Variants in DLG2 observed in about 807,000 individuals in gnomAD.
DLG2 encodes discs large MAGUK scaffold protein 2.
DLG2 carries 45 observed loss-of-function variants against 132.5 expected under a neutral mutation model. The ratio of observed to expected loss-of-function variants is 0.34; its 90% confidence interval spans 0.27 to 0.44. The LOEUF is 0.44. DLG2 is among the 20% of genes least tolerant of loss of function. The probability of loss-of-function intolerance (pLI) is 1.00; values close to 1 mark genes in which losing one functional copy is unlikely to be tolerated. For missense variants in DLG2, 1,045 were observed against 1,196.9 expected (o/e 0.87, Z 1.87); for synonymous variants, 424 against 419.6 (o/e 1.01, Z -0.13).
rs143698581 is a variant in DLG2 at position 83,459,705 on chromosome 11, T to C, written c.*113A>G. On this transcript the variant is annotated 3_prime_UTR_variant, in exon 28 of 28. Coordinates refer to ENST00000376104, the MANE Select transcript of DLG2 (RefSeq NM_001142699.3). ...TGTTGTACATTCGTAAGAATTCACATTGACTGCAAAAACATAAATGCAACA... is the reference window on the plus strand; with the variant it reads ...TGTTGTACATTCGTAAGAATTCACACTGACTGCAAAAACATAAATGCAACA... 4,668 of 635,996 alleles carry C rather than the reference T, an allele frequency of 7.3e-3. 17 individuals are homozygous for C. Among genetic ancestry groups the C allele is most frequent in the Non-Finnish European group, 0.011 (3,794 of 354,718 alleles). The allele number at this position is 635,996 out of a possible 1,614,324, so 39.4% of individuals were successfully genotyped here.
At chr11:85,312,679 C>T (rs2080391156) in intron 3 of DLG2, among the ~76,000 whole-genome samples, 1 of 151,862 alleles carries the variant, frequency 6.6e-6, no homozygotes, top group Admixed American at 6.6e-5. Context: ...AAAATACTTT[C>T]ACTCACCTAG....
intron 6 of DLG2, among the ~76,000 whole-genome samples, chr11:84,552,329 CT>C (rs921710369): frequency 1.1e-4 from 16 of 152,272 alleles, no homozygotes; most frequent in African/African-American, 3.4e-4. Flanking sequence ...GCTTCTTCAT[CT>C]TTTCCCACCA....
chr11:84,534,438 A>G, intron 7 of DLG2, 132 bp downstream of exon 7: 1 of 839,810 alleles, frequency 1.2e-6, no homozygotes, highest in Non-Finnish European at 1.9e-6. Flanking sequence ...CACAAGAAAG[A>G]CCCTTTGGCA....
At chr11:85,452,499 GC>G in intron 3 of DLG2, 1 of 189,090 alleles carries the variant, frequency 5.3e-6, no homozygotes, top group Non-Finnish European at 1.1e-5. Context: ...GTGGAGTAGT[GC>G]CACCATAGCC....
chr11:83,820,371 C>G (rs1356845189), intron 17 of DLG2, among the ~76,000 whole-genome samples: 1 of 152,130 alleles, frequency 6.6e-6, no homozygotes, highest in Non-Finnish European at 1.5e-5. Context: ...ATACCATCCC[C>G]TGCCTGTCTC....
chr11:85,242,321 C>T (rs756790552), intron 4 of DLG2, among the ~76,000 whole-genome samples: 1 of 151,528 alleles, frequency 6.6e-6, no homozygotes. Flanking sequence ...TTTTTATAAA[C>T]GTTTTATTGT....
chr11:85,422,377 T>G (rs2090385030), intron 3 of DLG2, among the ~76,000 whole-genome samples: 1 of 152,124 alleles, frequency 6.6e-6, no homozygotes, highest in Non-Finnish European at 1.5e-5. Flanking sequence ...GCTTTGTTCA[T>G]ATTTTCTTCT....
At chr11:85,303,710 T>C (rs1004997631) in intron 3 of DLG2, among the ~76,000 whole-genome samples, 1 of 152,200 alleles carries the variant, frequency 6.6e-6, no homozygotes, top group Non-Finnish European at 1.5e-5. Flanking sequence ...TTCAGAGATC[T>C]GAGTTCTAGT....
intron 6 of DLG2, among the ~76,000 whole-genome samples, chr11:84,764,114 C>T (rs916230075): frequency 6.6e-6 from 1 of 152,074 alleles, no homozygotes; most frequent in Non-Finnish European, 1.5e-5. Context: ...TATTGGCTCC[C>T]ACTAGAGATA....
At chr11:84,735,212 G>C (rs1234647697) in intron 6 of DLG2, among the ~76,000 whole-genome samples, 3 of 152,128 alleles carry the variant, frequency 2.0e-5, no homozygotes, top group African/African-American at 7.2e-5. Context: ...CAGAAGGAAT[G>C]GTACCAGCTC....
chr11:85,414,849 T>C (rs909218327), intron 3 of DLG2, among the ~76,000 whole-genome samples: 9 of 151,896 alleles, frequency 5.9e-5, no homozygotes, highest in Non-Finnish European at 1.3e-4. Flanking sequence ...CATTATATAA[T>C]GTCCCTCTTT....
At chr11:84,248,142 C>T (rs537287554) in intron 8 of DLG2, among the ~76,000 whole-genome samples, 58 of 152,236 alleles carry the variant, frequency 3.8e-4, no homozygotes, top group African/African-American at 1.3e-3. Context: ...CCCCGTGAGT[C>T]AGGAACAAAG....
intron 18 of DLG2, among the ~76,000 whole-genome samples, chr11:83,703,564 G>T (rs139958305): frequency 0.012 from 1,751 of 152,222 alleles, 47 homozygotes; most frequent in African/African-American, 0.04. Flanking sequence ...CAGGAAAATT[G>T]CTTGAACCTG....
intron 3 of DLG2, among the ~76,000 whole-genome samples, chr11:85,472,487 A>G (rs1295254444): frequency 6.6e-6 from 1 of 152,052 alleles, no homozygotes; most frequent in East Asian, 1.9e-4. Flanking sequence ...TTTAGTAGAG[A>G]CAGGGTTCCT....
At chr11:84,527,713 C>CT (rs766638686) in intron 7 of DLG2, among the ~76,000 whole-genome samples, 17 of 152,128 alleles carry the variant, frequency 1.1e-4, no homozygotes, top group Non-Finnish European at 1.9e-4. Context: ...AGACACATTT[C>CT]TTTTTTAATA....
At chr11:84,675,253 A>T (rs964050131) in intron 6 of DLG2, among the ~76,000 whole-genome samples, 1 of 152,074 alleles carries the variant, frequency 6.6e-6, no homozygotes, top group Non-Finnish European at 1.5e-5. Context: ...AAAACTCATC[A>T]TGGAAATAGC....
In DLG2 at chr11:85,606,804, C is replaced by T. The variant is rs140374608; in HGVS notation, c.-92-8016G>A. Among the ~76,000 whole-genome samples, 1,017 of 152,202 alleles carry T rather than the reference C, an allele frequency of 6.7e-3. 6 individuals are homozygous for T. The highest frequency in any genetic ancestry group is 0.011 in the Non-Finnish European group (773 of 68,004). On this transcript the variant is annotated intron_variant, in intron 2 of 27. Coordinates refer to ENST00000376104, the MANE Select transcript of DLG2 (RefSeq NM_001142699.3). The stretch of plus-strand genomic sequence containing the variant: ...CAGGAGGAATAAATAACTCCAGACG[C>T]GCCACCTTTAAGAGCTGTAACACTC...
chr11:84,116,908 T>G (rs143121259), intron 9 of DLG2, among the ~76,000 whole-genome samples: 1 of 152,194 alleles, frequency 6.6e-6, no homozygotes, highest in East Asian at 1.9e-4. Context: ...TTATGGCACT[T>G]TGTTATTATG....
At chr11:85,378,172 G>A (rs1191331231) in intron 3 of DLG2, among the ~76,000 whole-genome samples, 1 of 152,098 alleles carries the variant, frequency 6.6e-6, no homozygotes, top group Non-Finnish European at 1.5e-5. Flanking sequence ...AAGGAGCTCA[G>A]TGACAATTCC....
Sources: allele counts gnomAD v4.1 joint callset (sites outside exome capture counted in the v4.1 genomes callset), GRCh38; gene constraint gnomAD v4.1.1; transcripts MANE v1.5; gene names NCBI Gene and HGNC (gene_info 2026-07-23, HGNC 2026-07-21).